Variants in AFG1L observed in about 807,000 individuals in gnomAD.
AFG1L encodes the protein AFG1 like ATPase, also known as AFG1-like ATPase.
In AFG1L, 53 loss-of-function variants were observed where a neutral mutation model predicts 62.2. The observed-to-expected ratio is 0.85, with a 90% CI of 0.68 to 1.07. The LOEUF (loss-of-function observed/expected upper bound fraction) is 1.07. Ranked by LOEUF, AFG1L falls within the 50% of genes least tolerant of loss-of-function variation. The probability of loss-of-function intolerance (pLI) is 0.00; values close to 1 mark genes in which losing one functional copy is unlikely to be tolerated. For synonymous variants in AFG1L, 228 were observed against 210.3 expected (o/e 1.08, Z -0.73); for missense variants, 555 against 590.5 (o/e 0.94, Z 0.62).
At chr6:108,479,289 G>A (rs940664798) in intron 10 of AFG1L, among the ~76,000 whole-genome samples, 4 of 152,160 alleles carry the variant, frequency 2.6e-5, no homozygotes, top group Non-Finnish European at 4.4e-5. Flanking sequence ...ACCATGACCA[G>A]CCTTGTCAAT....
At chr6:108,439,621 G>T (rs1771455008) in intron 7 of AFG1L, among the ~76,000 whole-genome samples, 1 of 152,086 alleles carries the variant, frequency 6.6e-6, no homozygotes, top group Non-Finnish European at 1.5e-5. Context: ...GTGATATTAG[G>T]GGGGCTTCAG....
intron 10 of AFG1L, among the ~76,000 whole-genome samples, chr6:108,507,282 A>G (rs1774456687): frequency 6.6e-6 from 1 of 152,244 alleles, no homozygotes; most frequent in Non-Finnish European, 1.5e-5. Context: ...AGTGATCAAC[A>G]CTGTCTACCT....
chr6:108,417,285 C>A (rs146881772), intron 7 of AFG1L, among the ~76,000 whole-genome samples: 1,616 of 69,984 alleles, frequency 0.023, 35 homozygotes, highest in African/African-American at 0.082. Context: ...CACACACACA[C>A]ACAAAAAAAA....
intron 1 of AFG1L, among the ~76,000 whole-genome samples, chr6:108,310,736 G>A (rs1335922231): frequency 2.0e-5 from 3 of 151,826 alleles, no homozygotes; most frequent in Non-Finnish European, 4.4e-5. Context: ...CACCACACCC[G>A]GCTAATTTTT....
chr6:108,436,722 T>G (rs972192062), intron 7 of AFG1L, among the ~76,000 whole-genome samples: 1 of 152,224 alleles, frequency 6.6e-6, no homozygotes, highest in Non-Finnish European at 1.5e-5. Context: ...GAATCCTGGT[T>G]CTGTCACTTT....
At chr6:108,497,019 A>G (rs2114866264) in intron 10 of AFG1L, among the ~76,000 whole-genome samples, 1 of 152,276 alleles carries the variant, frequency 6.6e-6, no homozygotes, top group South Asian at 2.1e-4. Flanking sequence ...ATCAGATATT[A>G]AAGTTGCTTT....
chr6:108,356,621 T>A (rs1779298293), intron 4 of AFG1L, 69 bp from the exon 5 acceptor site: 3 of 1,131,846 alleles, frequency 2.7e-6, no homozygotes, highest in Non-Finnish European at 3.6e-6. Context: ...TTAGAGATTT[T>A]AAAAATATGT....
At chr6:108,442,449 G>T (rs1007604729) in intron 7 of AFG1L, among the ~76,000 whole-genome samples, 6 of 152,004 alleles carry the variant, frequency 3.9e-5, no homozygotes, top group Non-Finnish European at 8.8e-5. Context: ...TTGGTTATAG[G>T]GCCCAGGTCC....
intron 10 of AFG1L, among the ~76,000 whole-genome samples, chr6:108,506,677 T>C (rs1774433411): frequency 6.6e-6 from 1 of 152,126 alleles, no homozygotes; most frequent in African/African-American, 2.4e-5. Context: ...CTGGCTTCCT[T>C]CCATATTCTT....
intron 6 of AFG1L, among the ~76,000 whole-genome samples, chr6:108,388,373 T>G (rs1194094479): frequency 6.6e-6 from 1 of 151,984 alleles, no homozygotes; most frequent in Admixed American, 6.5e-5. Flanking sequence ...TGTCTCTATT[T>G]CCTTCAGTTC....
chr6:108,397,090 G>A (rs530937319), intron 6 of AFG1L, among the ~76,000 whole-genome samples: 30 of 152,018 alleles, frequency 2.0e-4, no homozygotes, highest in East Asian at 9.7e-4. Context: ...GGGCAGTGGC[G>A]TGGTCTCAGC....
At chr6:108,344,888 C>A in intron 2 of AFG1L, 1 of 443,694 alleles carries the variant, frequency 2.3e-6, no homozygotes, top group Non-Finnish European at 4.7e-6. Flanking sequence ...TTTGCTTCAT[C>A]TCCAGAGCCC....
intron 10 of AFG1L, among the ~76,000 whole-genome samples, chr6:108,482,759 G>A (rs1364246402): frequency 6.6e-6 from 1 of 151,658 alleles, no homozygotes; most frequent in Non-Finnish European, 1.5e-5. Flanking sequence ...AGACTGGAAT[G>A]ATGGTCTTTG....
intron 7 of AFG1L, among the ~76,000 whole-genome samples, chr6:108,409,649 T>C (rs1782016775): frequency 6.6e-6 from 1 of 152,128 alleles, no homozygotes; most frequent in East Asian, 1.9e-4. Context: ...AGATGATAAG[T>C]GAGCTGGCAG....
intron 5 of AFG1L, chr6:108,359,826 A>G (rs1278706535): frequency 6.6e-6 from 1 of 152,248 alleles, no homozygotes; most frequent in Non-Finnish European, 1.5e-5. Flanking sequence ...TATTGTCCCC[A>G]TCCTGGAGTT....
chr6:108,305,061 G>C (rs1777151251), intron 1 of AFG1L, among the ~76,000 whole-genome samples: 1 of 152,188 alleles, frequency 6.6e-6, no homozygotes, highest in African/African-American at 2.4e-5. Flanking sequence ...TTTGAAAACT[G>C]TAAGAAATGT....
intron 12 of AFG1L, 144 bp from the exon 13 acceptor site, chr6:108,522,153 A>T: frequency 1.7e-6 from 1 of 602,338 alleles, no homozygotes; most frequent in Admixed American, 3.0e-5. Flanking sequence ...GTCTCATTTA[A>T]GAGATTGTAT....
chr6:108,425,792 T>C (rs12527002), intron 7 of AFG1L, among the ~76,000 whole-genome samples: 7,210 of 152,250 alleles, frequency 0.047, 265 homozygotes, highest in South Asian at 0.18. Context: ...TATATAAAAG[T>C]ATAATCTATC....
intron 8 of AFG1L, among the ~76,000 whole-genome samples, chr6:108,467,268 G>A (rs1429851470): frequency 6.7e-6 from 1 of 148,212 alleles, no homozygotes; most frequent in Non-Finnish European, 1.5e-5. Context: ...TTTTTTTGAG[G>A]TGGAGTTTCG....
Sources: gnomAD v4.1 joint callset for allele counts (sites outside exome capture counted in the v4.1 genomes callset) on GRCh38, gnomAD v4.1.1 for gene constraint, MANE v1.5 for transcripts, NCBI Gene and HGNC (gene_info 2026-07-23, HGNC 2026-07-21) for gene names.